The following ZBBX variants were observed in gnomAD, a reference collection of about 807,000 sequenced individuals.
ZBBX encodes zinc finger B-box domain-containing protein 1.
In ZBBX, 101 loss-of-function variants were observed where a neutral mutation model predicts 108.5. That is an observed-to-expected ratio of 0.93 (90% CI 0.79 to 1.10). The LOEUF (loss-of-function observed/expected upper bound fraction) is 1.10. Ranked by LOEUF, ZBBX falls within the 50% of genes least tolerant of loss-of-function variation. The pLI is 0.00. For synonymous variants in ZBBX, 356 were observed against 323.4 expected (o/e 1.10, Z -1.08); for missense variants, 1,009 against 941.4 (o/e 1.07, Z -0.94).
chr3:167,228,361 T>C, the ZBBX span, among the ~76,000 whole-genome samples: 1 of 151,758 alleles, frequency 6.6e-6, no homozygotes, highest in Non-Finnish European at 1.5e-5. Context: ...ATTTGTGCAT[T>C]ATGCTGCACT....
chr3:167,381,679 G>A (rs751558631), upstream of ZBBX, among the ~76,000 whole-genome samples: 5 of 152,138 alleles, frequency 3.3e-5, no homozygotes, highest in Non-Finnish European at 5.9e-5. Flanking sequence ...TTCAGCTTTC[G>A]TCCATTTACT....
chr3:167,225,311 G>A, the ZBBX span, among the ~76,000 whole-genome samples: 1 of 151,782 alleles, frequency 6.6e-6, no homozygotes, highest in East Asian at 1.9e-4. Context: ...TATGTATTGA[G>A]CACTTTGCAA....
chr3:167,189,386 C>T, the ZBBX span, among the ~76,000 whole-genome samples: 3 of 152,220 alleles, frequency 2.0e-5, no homozygotes, highest in Non-Finnish European at 2.9e-5. Flanking sequence ...CAAGTTGTGA[C>T]GGATGTCTGC....
chr3:167,360,096 A>G, intron 7 of ZBBX, 117 bp from the exon 8 acceptor site: 1 of 340,556 alleles, frequency 2.9e-6, no homozygotes, highest in Non-Finnish European at 5.1e-6. Context: ...AAGCCCACAT[A>G]GAACAAATTC....
intron 1 of ZBBX, among the ~76,000 whole-genome samples, chr3:167,402,779 A>G (rs1371474516): frequency 8.9e-6 from 1 of 112,208 alleles, no homozygotes; most frequent in Non-Finnish European, 1.8e-5. Context: ...TGTAAACTAC[A>G]ATATGTAAAA....
intron 20 of ZBBX, among the ~76,000 whole-genome samples, chr3:167,266,495 T>C (rs1478026230): frequency 6.6e-6 from 1 of 152,134 alleles, no homozygotes; most frequent in African/African-American, 2.4e-5. Flanking sequence ...ATTTTTCCCT[T>C]GAAACTGCAC....
In ZBBX at chr3:167,365,960, A is replaced by G; in HGVS notation, c.199T>C (p.Trp67Arg). ...KEDRESSEYY[W>R]KSGKVGKLVN... ...AATTTGCCCACTTTTCCAGATTTCC[A>G]GTAATACTCGCTTGACCTTTAATAT... Residue 67 changes from tryptophan (W) to arginine (R), a missense_variant, in exon 6 of 22, where the codon TGG becomes CGG. Transcript: ENST00000675490. The G allele has an allele frequency of 6.2e-7, 1 of 1,607,498 alleles. No individual in the cohort carries two copies. Among genetic ancestry groups the G allele is most frequent in the Non-Finnish European group, 8.5e-7 (1 of 1,175,408 alleles).
At chr3:167,186,544 AT>A in the ZBBX span, among the ~76,000 whole-genome samples, 1 of 152,174 alleles carries the variant, frequency 6.6e-6, no homozygotes, top group Non-Finnish European at 1.5e-5. Context: ...TGCCCTTCTT[AT>A]TTCATTTTGG....
At chr3:167,187,516 G>A in the ZBBX span, among the ~76,000 whole-genome samples, 1 of 152,242 alleles carries the variant, frequency 6.6e-6, no homozygotes, top group Non-Finnish European at 1.5e-5. Flanking sequence ...GGTTTTCAGA[G>A]GATCTAGAAT....
chr3:167,385,767 C>T (rs928186216), intron 1 of ZBBX, among the ~76,000 whole-genome samples: 9 of 151,908 alleles, frequency 5.9e-5, no homozygotes, highest in African/African-American at 9.7e-5. Context: ...CATCCCCAGG[C>T]GATAAGTAAT....
At chr3:167,264,188 T>C (rs1003566669) in intron 20 of ZBBX, among the ~76,000 whole-genome samples, 7 of 149,510 alleles carry the variant, frequency 4.7e-5, no homozygotes, top group Non-Finnish European at 1.0e-4. Context: ...AATTGGAGAG[T>C]TTAGTTCATT....
At chr3:167,215,101 C>T in the ZBBX span, among the ~76,000 whole-genome samples, 1 of 151,784 alleles carries the variant, frequency 6.6e-6, no homozygotes. Flanking sequence ...AAACCAATCC[C>T]AAAGCTAGCA....
intron 1 of ZBBX, among the ~76,000 whole-genome samples, chr3:167,399,787 G>A (rs1001874002): frequency 6.6e-6 from 1 of 152,010 alleles, no homozygotes; most frequent in Admixed American, 6.6e-5. Context: ...TGAGGCTTGA[G>A]GTATGATTAA....
the ZBBX span, among the ~76,000 whole-genome samples, chr3:167,209,101 A>G: frequency 6.0e-5 from 9 of 150,146 alleles, no homozygotes; most frequent in Admixed American, 6.0e-4. Flanking sequence ...GAAGGGAGGA[A>G]TGGGAAGGAC....
the ZBBX span, among the ~76,000 whole-genome samples, chr3:167,221,344 G>A: frequency 1.3e-5 from 2 of 151,706 alleles, no homozygotes; most frequent in African/African-American, 4.8e-5. Context: ...ATGGAAAAGA[G>A]GACTCAGAAA....
intron 20 of ZBBX, among the ~76,000 whole-genome samples, chr3:167,274,514 T>C (rs2108488247): frequency 6.6e-6 from 1 of 152,348 alleles, no homozygotes; most frequent in African/African-American, 2.4e-5. Flanking sequence ...AAGGGAGGAA[T>C]TGTAAGATAC....
At chr3:167,223,183 C>T in the ZBBX span, among the ~76,000 whole-genome samples, 7 of 151,954 alleles carry the variant, frequency 4.6e-5, no homozygotes, top group East Asian at 1.4e-3. Context: ...TGACCACCCA[C>T]CAGTCAGGCC....
At chr3:167,222,747 A>G in the ZBBX span, among the ~76,000 whole-genome samples, 1 of 151,962 alleles carries the variant, frequency 6.6e-6, no homozygotes, top group Non-Finnish European at 1.5e-5. Context: ...AATGAAACAT[A>G]AAAAATTTTA....
At chr3:167,222,722 T>C in the ZBBX span, among the ~76,000 whole-genome samples, 1 of 151,844 alleles carries the variant, frequency 6.6e-6, no homozygotes, top group Non-Finnish European at 1.5e-5. Context: ...AATTTAAAAT[T>C]TTAAAAATAA....
Sources: gnomAD v4.1 joint callset for allele counts (sites outside exome capture counted in the v4.1 genomes callset) on GRCh38, gnomAD v4.1.1 for gene constraint, MANE v1.5 for transcripts, NCBI Gene and HGNC (gene_info 2026-07-23, HGNC 2026-07-21) for gene names.